Variants in TMEM232 observed in about 807,000 individuals in gnomAD.
TMEM232 encodes transmembrane protein 232.
In TMEM232, 80 loss-of-function variants were observed where a neutral mutation model predicts 78.8. That is an observed-to-expected ratio of 1.01 (90% confidence interval 0.85 to 1.22). The LOEUF (loss-of-function observed/expected upper bound fraction) is 1.22, where lower values mean the gene tolerates loss of function less well. Ranked by LOEUF, TMEM232 falls within the 50% of genes most tolerant of loss-of-function variation. The pLI is 0.00. For synonymous variants in TMEM232, 297 were observed against 254.3 expected (o/e 1.17, Z -1.60); for missense variants, 881 against 742.2 (o/e 1.19, Z -2.17).
intron 12 of TMEM232, among the ~76,000 whole-genome samples, chr5:110,517,055 T>C (rs1033447373): frequency 1.5e-4 from 23 of 152,340 alleles, no homozygotes; most frequent in African/African-American, 5.3e-4. Flanking sequence ...TGTTGGCTTC[T>C]TGCCGTCTTT....
chr5:110,564,575 A>C (rs1776115542), intron 11 of TMEM232, among the ~76,000 whole-genome samples: 1 of 152,008 alleles, frequency 6.6e-6, no homozygotes. Context: ...ATCCAAATTG[A>C]GGAACTTTTG....
At chr5:110,588,061 T>C (rs1779077443) in intron 10 of TMEM232, among the ~76,000 whole-genome samples, 1 of 152,064 alleles carries the variant, frequency 6.6e-6, no homozygotes, top group African/African-American at 2.4e-5. Flanking sequence ...ATGAAAGATC[T>C]AATAGAATAT....
intron 10 of TMEM232, among the ~76,000 whole-genome samples, chr5:110,570,488 T>A (rs1210105273): frequency 1.3e-5 from 2 of 151,956 alleles, no homozygotes; most frequent in Non-Finnish European, 2.9e-5. Context: ...AAGATGATGG[T>A]CATTGATATA....
chr5:110,605,215 A>G lies in TMEM232; in HGVS notation c.1170T>C (p.Ser390=). The G allele has an allele frequency of 6.4e-7, 1 of 1,551,086 alleles. No individual in the cohort carries two copies. The highest frequency in any genetic ancestry group is 8.7e-7 in the Non-Finnish European group (1 of 1,146,680). The change falls in exon 10 of 14, where the codon AGT becomes AGC. Residue 390 remains serine, a synonymous_variant. Transcript: ENST00000455884. ...CCAAGTATAAAATATTTTTTTGTGAACTTTTACAGTGACAGAAACCAATTA... is the reference window on the plus strand; with the variant it reads ...CCAAGTATAAAATATTTTTTTGTGAGCTTTTACAGTGACAGAAACCAATTA... ...TALIGFCHCK[S]SQKNILYLDK...
chr5:110,661,397 T>C lies in TMEM232; in HGVS notation c.125+5831A>G, dbSNP rs78030706. Among the ~76,000 whole-genome samples, 1,074 of 140,178 alleles carry C rather than the reference T, an allele frequency of 7.7e-3. 14 individuals carry two copies. The highest frequency in any genetic ancestry group is 0.031 in the African/African-American group (1,022 of 32,448). 92.0% of individuals were successfully genotyped at this position (140,178 alleles called of 152,430 possible). ...TGCAATCTTTGCTCACGGCAATCTCTACCTCTAGGTCTCAAGTAACCCCCC... is the reference window on the plus strand; with the variant it reads ...TGCAATCTTTGCTCACGGCAATCTCCACCTCTAGGTCTCAAGTAACCCCCC... On this transcript the variant is annotated intron_variant, in intron 2 of 13. Transcript: ENST00000455884.
At chr5:110,476,995 T>C (rs1046813096) in intron 12 of TMEM232, among the ~76,000 whole-genome samples, 75 of 151,986 alleles carry the variant, frequency 4.9e-4, no homozygotes, top group African/African-American at 1.8e-3. Flanking sequence ...AAAAACGGTA[T>C]GTGAAATCAG....
intron 11 of TMEM232, among the ~76,000 whole-genome samples, chr5:110,530,821 C>T (rs1771343475): frequency 6.6e-6 from 1 of 152,084 alleles, no homozygotes; most frequent in South Asian, 2.1e-4. Context: ...AATACAAATA[C>T]ATCATATCTT....
intron 12 of TMEM232, among the ~76,000 whole-genome samples, chr5:110,451,151 T>C (rs1167819974): frequency 2.0e-5 from 3 of 152,208 alleles, no homozygotes; most frequent in Non-Finnish European, 4.4e-5. Context: ...GAGCTACTAT[T>C]ACCTTGATAT....
chr5:110,411,002 A>T (rs950543431), intron 2 of TMEM232, among the ~76,000 whole-genome samples: 2 of 152,256 alleles, frequency 1.3e-5, no homozygotes, highest in Admixed American at 6.5e-5. Flanking sequence ...GACCTTCTTC[A>T]TCCCTGGCCC....
At chr5:110,433,126 T>C (rs1454220540) in intron 12 of TMEM232, among the ~76,000 whole-genome samples, 5 of 151,716 alleles carry the variant, frequency 3.3e-5, no homozygotes, top group East Asian at 1.9e-4. Context: ...ACTTGACCAA[T>C]TGGACCTAAT....
intron 12 of TMEM232, among the ~76,000 whole-genome samples, chr5:110,502,709 A>G (rs73220791): frequency 0.019 from 2,876 of 152,162 alleles, 107 homozygotes; most frequent in African/African-American, 0.067. Flanking sequence ...CGGTAGCCAC[A>G]TTGCCCACGT....
chr5:110,401,707 AT>A (rs1032729563), intron 2 of TMEM232, among the ~76,000 whole-genome samples: 1 of 151,978 alleles, frequency 6.6e-6, no homozygotes, highest in Admixed American at 6.6e-5. Context: ...CAGAATGTAT[AT>A]TTTTTTTCCT....
At chr5:110,462,515 C>T (rs570746623) in intron 12 of TMEM232, among the ~76,000 whole-genome samples, 1 of 152,340 alleles carries the variant, frequency 6.6e-6, no homozygotes, top group African/African-American at 2.4e-5. Context: ...CTCCTCCTTT[C>T]TCCCGTGCTG....
chr5:110,426,343 G>T (rs1000163895), intron 12 of TMEM232, among the ~76,000 whole-genome samples: 1 of 151,926 alleles, frequency 6.6e-6, no homozygotes, highest in African/African-American at 2.4e-5. Flanking sequence ...TTGCCTGTTT[G>T]CTTACCATTG....
At chr5:110,727,816 C>G (rs1798307511), upstream of TMEM232, among the ~76,000 whole-genome samples, 1 of 152,036 alleles carries the variant, frequency 6.6e-6, no homozygotes, top group South Asian at 2.1e-4. Context: ...CCTAGAAGAT[C>G]AGTAAGTTAA....
chr5:110,655,725 C>T (rs1397491362), intron 2 of TMEM232, among the ~76,000 whole-genome samples: 2 of 151,490 alleles, frequency 1.3e-5, no homozygotes, highest in Non-Finnish European at 2.9e-5. Context: ...ACTATGCAGC[C>T]ATAAAAAGTG....
intron 10 of TMEM232, among the ~76,000 whole-genome samples, chr5:110,595,308 A>C (rs1374006961): frequency 6.6e-6 from 1 of 152,216 alleles, no homozygotes; most frequent in Non-Finnish European, 1.5e-5. Context: ...AAATTCACAA[A>C]GATGAGGGAA....
intron 12 of TMEM232, among the ~76,000 whole-genome samples, chr5:110,444,134 G>A (rs1000233874): frequency 6.6e-6 from 1 of 152,076 alleles, no homozygotes; most frequent in Non-Finnish European, 1.5e-5. Flanking sequence ...CTGGCTCTGA[G>A]CCTAGCCCAG....
intron 12 of TMEM232, among the ~76,000 whole-genome samples, chr5:110,450,356 T>C (rs1760133053): frequency 1.6e-5 from 2 of 125,540 alleles, no homozygotes; most frequent in Admixed American, 7.3e-5. Flanking sequence ...AGATTTTGCC[T>C]GTTTGTTTGT....
Sources: allele counts gnomAD v4.1 joint callset (sites outside exome capture counted in the v4.1 genomes callset), GRCh38; gene constraint gnomAD v4.1.1; transcripts MANE v1.5; gene names NCBI Gene and HGNC (gene_info 2026-07-23, HGNC 2026-07-21).